BPIFB1: variants seen among roughly 807,000 people sequenced by gnomAD.
The protein encoded by BPIFB1 is BPI fold containing family B member 1, also known as BPI fold-containing family B member 1.
In BPIFB1, 34 loss-of-function variants were observed where a neutral mutation model predicts 55.1. The ratio of observed to expected loss-of-function variants is 0.62; its 90% CI spans 0.47 to 0.82. The LOEUF is 0.82. Among genes scored for constraint, BPIFB1 ranks in the 40% least tolerant of loss-of-function variants. The probability of loss-of-function intolerance (pLI) is 0.00; values close to 1 mark genes in which losing one functional copy is unlikely to be tolerated. For missense variants in BPIFB1, 532 were observed against 593.1 expected (o/e 0.90, Z 1.07); for synonymous variants, 236 against 245.3 (o/e 0.96, Z 0.35).
Position 33,291,980 on chromosome 20 carries a change from A to G in BPIFB1, c.589A>G (p.Lys197Glu). 1 of 1,614,184 alleles carries G rather than the reference A, an allele frequency of 6.2e-7. No individual in the cohort carries two copies. Among genetic ancestry groups the G allele is most frequent in the South Asian group, 1.1e-5 (1 of 91,080 alleles). ...AGTGCCATCCCTGCCCAATCTAGTG[A>G]AAAACCAGGTGAGTGGAATCAGGGC... ...LLVPSLPNLV[K>E]NQLCPVIEAS... is the part of the protein sequence containing the mutation. The change falls in exon 6 of 16, where the codon AAA (lysine) becomes GAA (glutamate). Residue 197 changes from lysine (K) to glutamate (E), a missense_variant. Transcript: ENST00000253354.
At chr20:33,303,128 C>T in intron 11 of BPIFB1, 54 bp downstream of exon 11, 1 of 1,599,412 alleles carries the variant, frequency 6.3e-7, no homozygotes, top group Admixed American at 1.7e-5. Context: ...CTTCTGTCTA[C>T]TTTTCCTGTT....
At chr20:33,286,977 C>T (rs1480890856) in intron 2 of BPIFB1, among the ~76,000 whole-genome samples, 1 of 152,356 alleles carries the variant, frequency 6.6e-6, no homozygotes, top group East Asian at 1.9e-4. Flanking sequence ...GAGGACCAGA[C>T]CTCTGCATTC....
In BPIFB1 at chr20:33,306,606, G is replaced by A. The variant is rs1981033847; in HGVS notation, c.1319-305G>A. 14 of 384,674 alleles carry A rather than the reference G, an allele frequency of 3.6e-5. 1 individual carries two copies. The South Asian group carries it at 5.6e-4, about 15-fold the overall frequency. The allele number at this position is 384,674 out of a possible 1,614,324, so 23.8% of individuals were successfully genotyped here. ...TTTAATTTCTTTATTTTATTAGACT[G>A]GAAAAATCTCAAAGTATAGAAACCT... On this transcript the variant is annotated intron_variant, in intron 14 of 15. Transcript: ENST00000253354.
chr20:33,297,404 C>A (rs1052671750), intron 6 of BPIFB1, 121 bp from the exon 7 acceptor site: 8 of 1,044,180 alleles, frequency 7.7e-6, no homozygotes, highest in South Asian at 7.1e-5. Flanking sequence ...ATGGATGGAA[C>A]CTGGCTGGCC....
At chr20:33,295,112 G>C (rs1980594402) in intron 6 of BPIFB1, among the ~76,000 whole-genome samples, 1 of 152,096 alleles carries the variant, frequency 6.6e-6, no homozygotes, top group Admixed American at 6.5e-5. Context: ...CTACTTGGGA[G>C]GCTGAGGCAG....
chr20:33,292,115 G>A, intron 6 of BPIFB1, 127 bp downstream of exon 6: 1 of 862,798 alleles, frequency 1.2e-6, no homozygotes, highest in Admixed American at 2.1e-5. Flanking sequence ...AATTATCTGG[G>A]GCTGGATAGC....
intron 2 of BPIFB1, 123 bp from the exon 3 acceptor site, chr20:33,288,618 A>G: frequency 8.6e-7 from 1 of 1,162,748 alleles, no homozygotes; most frequent in Non-Finnish European, 1.2e-6. Flanking sequence ...CACAGTAGAG[A>G]TGGCTACACC....
intron 7 of BPIFB1, chr20:33,299,089 G>A (rs1158092418): frequency 6.6e-6 from 3 of 454,942 alleles, no homozygotes; most frequent in Non-Finnish European, 1.3e-5. Flanking sequence ...CTGCCCTGGC[G>A]GGCACTATAC....
At chr20:33,296,347 G>A (rs1167569843) in intron 6 of BPIFB1, among the ~76,000 whole-genome samples, 1 of 152,232 alleles carries the variant, frequency 6.6e-6, no homozygotes, top group African/African-American at 2.4e-5. Context: ...ATGCAGCCAG[G>A]AGCAGGGAAC....
Position 33,306,041 on chromosome 20 carries a change from T to G in BPIFB1, c.1294T>G (p.Ser432Ala), listed in dbSNP as rs754126347. 1.2e-6 allele frequency: 2 copies of G among 1,614,054 alleles called. No homozygotes were observed. Among genetic ancestry groups the G allele is most frequent in the Admixed American group, 1.7e-5 (1 of 60,012 alleles). The change falls in exon 14 of 16, where the codon TCC becomes GCC. Residue 432 changes from serine (S) to alanine (A), a missense_variant. By Grantham distance (99) the Ser-to-Ala change is moderately conservative. Coordinates refer to ENST00000253354, the MANE Select transcript of BPIFB1 (RefSeq NM_033197.3). Reference sequence around the variant, plus strand: ...AAACATCATCACTGAGATCATCCACTCCATCCTGCTGCCGAACCAGAATGG... The same window carrying G: ...AAACATCATCACTGAGATCATCCACGCCATCCTGCTGCCGAACCAGAATGG... ...LKNIITEIIH[S>A]ILLPNQNGKL...
Position 33,303,079 on chromosome 20 carries a change from G to A in BPIFB1, c.1140+5G>A, listed in dbSNP as rs1052939525. 6.2e-7 allele frequency: 1 copy of A among 1,613,246 alleles called. No individual in the cohort carries two copies. The highest frequency in any genetic ancestry group is 8.5e-7 in the Non-Finnish European group (1 of 1,179,846). ...CCTTTGTTCACCCTGGGCATCGTGA[G>A]TTCAGTTGTCTGCGATATTGGCAGC... On this transcript the variant is annotated splice_donor_5th_base_variant and intron_variant, in intron 11 of 15. Coordinates refer to ENST00000253354, the MANE Select transcript of BPIFB1 (RefSeq NM_033197.3).
At position 33,289,990 on chromosome 20, in the gene BPIFB1, C is replaced by T; in HGVS notation, c.363C>T (p.Asn121=). Residue 121 remains asparagine (N), a splice_region_variant and synonymous_variant, in exon 4 of 16, where the codon AAC becomes AAT. Coordinates refer to ENST00000253354, the MANE Select transcript of BPIFB1 (RefSeq NM_033197.3). The part of the protein sequence containing the change: ...KIPLDMVAGF[N]TPLVKTIVEF... ...CCCTGGACATGGTGGCTGGATTCAA[C>T]ACGTGAGTGACCCCTCCATCAAGTA... 3 of 1,613,088 alleles carry T rather than the reference C, an allele frequency of 1.9e-6. No individual in the cohort carries two copies. The highest frequency in any genetic ancestry group is 2.5e-6 in the Non-Finnish European group (3 of 1,179,038).
intron 1 of BPIFB1, among the ~76,000 whole-genome samples, chr20:33,284,885 TTCTCTCTC>T (rs757452927): frequency 6.8e-6 from 1 of 147,504 alleles, no homozygotes; most frequent in Non-Finnish European, 1.5e-5. Flanking sequence ...CTCTCTCTCT[TTCTCTCTC>T]TCTCTCTCTG....
At chr20:33,292,130 A>T in intron 6 of BPIFB1, 142 bp downstream of exon 6, 3 of 777,648 alleles carry the variant, frequency 3.9e-6, no homozygotes, top group Non-Finnish European at 4.3e-6. Flanking sequence ...GATAGCAAAG[A>T]GTCATGGAGT....
At chr20:33,287,891 C>G (rs561298354) in intron 2 of BPIFB1, among the ~76,000 whole-genome samples, 99 of 152,308 alleles carry the variant, frequency 6.5e-4, no homozygotes, top group African/African-American at 2.3e-3. Flanking sequence ...GGGAATCCCC[C>G]CCATGCCCCT....
At chr20:33,291,789 C>T in intron 5 of BPIFB1, 118 bp from the exon 6 acceptor site, 1 of 876,374 alleles carries the variant, frequency 1.1e-6, no homozygotes, top group Admixed American at 2.1e-5. Flanking sequence ...CTAACACGTC[C>T]TGTGACCTTG....
At chr20:33,308,451 T>C (rs62209754) in intron 15 of BPIFB1, among the ~76,000 whole-genome samples, 8,955 of 150,434 alleles carry the variant, frequency 0.06, 515 homozygotes, top group African/African-American at 0.15. Context: ...CACACACATA[T>C]ACACACACAC....
At position 33,291,995 on chromosome 20, in the gene BPIFB1, G is replaced by A; in HGVS notation, c.597+7G>A. Reference sequence around the variant, plus strand: ...CAATCTAGTGAAAAACCAGGTGAGTGGAATCAGGGCCTCTCTGGCCTGTGG... The same window carrying A: ...CAATCTAGTGAAAAACCAGGTGAGTAGAATCAGGGCCTCTCTGGCCTGTGG... On this transcript the variant is annotated splice_region_variant and intron_variant, in intron 6 of 15. Coordinates refer to ENST00000253354, the MANE Select transcript of BPIFB1 (RefSeq NM_033197.3). The A allele has an allele frequency of 6.2e-7, 1 of 1,613,942 alleles. No individual in the cohort carries two copies. The highest frequency in any genetic ancestry group is 8.5e-7 in the Non-Finnish European group (1 of 1,179,752).
intron 1 of BPIFB1, among the ~76,000 whole-genome samples, chr20:33,284,885 TTCTCTC>T (rs757452927): frequency 6.8e-6 from 1 of 147,504 alleles, no homozygotes; most frequent in Non-Finnish European, 1.5e-5. Flanking sequence ...CTCTCTCTCT[TTCTCTC>T]TCTCTCTCTC....
Sources: gnomAD v4.1 joint callset for allele counts (sites outside exome capture counted in the v4.1 genomes callset) on GRCh38, gnomAD v4.1.1 for gene constraint, MANE v1.5 for transcripts, NCBI Gene and HGNC (gene_info 2026-07-23, HGNC 2026-07-21) for gene names.